CCDC28B: variants seen among roughly 807,000 people sequenced by gnomAD.
The protein encoded by CCDC28B is coiled-coil domain-containing protein 28B.
In CCDC28B, 17 loss-of-function variants were observed where a neutral mutation model predicts 18.7. The observed-to-expected ratio is 0.91, with a 90% CI of 0.62 to 1.36. The LOEUF (loss-of-function observed/expected upper bound fraction) is 1.36. Ranked by LOEUF, CCDC28B falls within the 40% of genes most tolerant of loss-of-function variation. CCDC28B has a pLI of 0.00. For missense variants in CCDC28B, 213 were observed against 251.7 expected, an observed-to-expected ratio of 0.85 and a Z score of 1.04; for synonymous variants, 116 against 105.1, an observed-to-expected ratio of 1.10 and a Z score of -0.64.
chr1:32,204,845 G>A (rs1484800379), intron 5 of CCDC28B: 1 of 1,549,700 alleles, frequency 6.5e-7, no homozygotes, highest in Non-Finnish European at 8.7e-7. Context: ...CAAAATCTTT[G>A]TGAGTACTTT....
At position 32,202,040 on chromosome 1, in the gene CCDC28B, C is replaced by T. The variant is rs780889369; in HGVS notation, c.105C>T (p.Gly35=). 6.8e-6 allele frequency: 11 copies of T among 1,613,884 alleles called. No individual in the cohort carries two copies. In the Admixed American group the frequency reaches 1.8e-4, roughly 27 times the overall value. ...TCCCTGTGCCTACCAGCCACAGCGGCTCCTTGGCCCTAGGACTTCCTCATC... is the reference window on the plus strand; with the variant it reads ...TCCCTGTGCCTACCAGCCACAGCGGTTCCTTGGCCCTAGGACTTCCTCATC... ...RRVPVPTSHS[G]SLALGLPHLP... The change falls in exon 2 of 6, where the codon GGC becomes GGT. Residue 35 remains glycine, a synonymous_variant. Transcript: ENST00000373602.
At chr1:32,204,645 A>G (rs370705229) in intron 5 of CCDC28B, 25 bp downstream of exon 5, 14 of 1,611,000 alleles carry the variant, frequency 8.7e-6, no homozygotes, top group African/African-American at 2.7e-5. Flanking sequence ...GAACCCGTCT[A>G]TGTGTGTGTG....
At chr1:32,196,419 A>C (rs1350298099), upstream of CCDC28B, 1 of 152,114 alleles carries the variant, frequency 6.6e-6, no homozygotes, top group African/African-American at 2.4e-5. Flanking sequence ...TGGGGATTCT[A>C]CTTCTTCCTG....
chr1:32,196,555 C>A (rs769860974), upstream of CCDC28B: 1 of 152,232 alleles, frequency 6.6e-6, no homozygotes, highest in Non-Finnish European at 1.5e-5. Context: ...CACTCCAGTA[C>A]ATAACTACTA....
chr1:32,203,809 T>C (rs1643217535), intron 2 of CCDC28B, 70 bp from the exon 3 acceptor site: 2 of 1,272,020 alleles, frequency 1.6e-6, no homozygotes, highest in African/African-American at 3.0e-5. Flanking sequence ...CATAGGCAGA[T>C]GGCACAAAAG....
Position 32,204,595 on chromosome 1 carries a change from C to A in CCDC28B, c.526-3C>A. ...AAGCCTCCCTTTTTCTCTTTGTTGG[C>A]AGCTGGAAGACCTCAGTAATTCTAT... On this transcript the variant is annotated splice_polypyrimidine_tract_variant and splice_region_variant and intron_variant, in intron 4 of 5. Transcript: ENST00000373602. 1 of 1,563,894 alleles carries A rather than the reference C, an allele frequency of 6.4e-7. No homozygotes were observed. The highest frequency in any genetic ancestry group is 2.0e-5 in the Admixed American group (1 of 50,848).
chr1:32,205,090 T>A lies in CCDC28B; in HGVS notation c.549-104T>A. 1 of 1,426,252 alleles carries A rather than the reference T, an allele frequency of 7.0e-7. No individual in the cohort carries two copies. The highest frequency in any genetic ancestry group is 1.3e-5 in the South Asian group (1 of 77,408). The allele number at this position is 1,426,252 out of a possible 1,614,324, so 88.3% of individuals were successfully genotyped here. Reference sequence around the variant, plus strand: ...GTCCACAGACGGCCCGAGACCCTCGTCCCCGGCCCTTTGCACAGGTGAGGG... The same window carrying A: ...GTCCACAGACGGCCCGAGACCCTCGACCCCGGCCCTTTGCACAGGTGAGGG... On this transcript the variant is annotated intron_variant, in intron 5 of 5. Transcript: ENST00000373602. The surrounding 1 kb of genome is among the most constrained non-coding windows in gnomAD (Gnocchi z 5.6).
intron 4 of CCDC28B, 74 bp downstream of exon 4, chr1:32,204,453 C>A (rs1019631181): frequency 2.6e-6 from 4 of 1,515,884 alleles, no homozygotes; most frequent in East Asian, 4.5e-5. Context: ...CAAAGCCATT[C>A]CTGGGCCCTG....
intron 5 of CCDC28B, 121 bp downstream of exon 5, chr1:32,204,741 A>G: frequency 6.2e-7 from 1 of 1,613,874 alleles, no homozygotes; most frequent in Non-Finnish European, 8.5e-7. Context: ...GTCCTGTCAG[A>G]TTTAGCCACA....
At chr1:32,204,884 C>T (rs575948000) in intron 5 of CCDC28B, 168 of 1,504,104 alleles carry the variant, frequency 1.1e-4, no homozygotes, top group Non-Finnish European at 1.4e-4. Context: ...CAAAGCTTGT[C>T]CGATGTCCTC....
Position 32,205,166 on chromosome 1 carries a change from A to G in CCDC28B, c.549-28A>G. Reference sequence around the variant, plus strand: ...CCGGGGTGGGAGGAAGGACTGGTCCAAAGCGCCACGATCCTTGACGGGCAC... The same window carrying G: ...CCGGGGTGGGAGGAAGGACTGGTCCGAAGCGCCACGATCCTTGACGGGCAC... On this transcript the variant is annotated intron_variant, in intron 5 of 5. Transcript: ENST00000373602. This position sits in a 1 kb window ranked among gnomAD's most constrained non-coding sequence, Gnocchi z 5.6. 1 of 1,613,092 alleles carries G rather than the reference A, an allele frequency of 6.2e-7. No individual in the cohort carries two copies. The highest frequency in any genetic ancestry group is 8.5e-7 in the Non-Finnish European group (1 of 1,179,496).
chr1:32,199,094 G>A (rs567335981), upstream of CCDC28B, among the ~76,000 whole-genome samples: 6 of 152,270 alleles, frequency 3.9e-5, no homozygotes, highest in African/African-American at 1.4e-4. Flanking sequence ...CTCAAGCATG[G>A]GACTCCTATA....
intron 2 of CCDC28B, among the ~76,000 whole-genome samples, chr1:32,203,418 CT>C (rs1215202262): frequency 3.9e-5 from 6 of 152,136 alleles, no homozygotes; most frequent in African/African-American, 1.4e-4. Context: ...GATCACACCA[CT>C]GCACTCCAGC....
chr1:32,199,014 C>T (rs1643087400), upstream of CCDC28B, among the ~76,000 whole-genome samples: 1 of 152,132 alleles, frequency 6.6e-6, no homozygotes, highest in Admixed American at 6.5e-5. Context: ...TTCACAGGGG[C>T]CTCTAATTGT....
At position 32,204,617 on chromosome 1, in the gene CCDC28B, C is replaced by T; in HGVS notation, c.545C>T (p.Ser182Phe). 6.3e-7 allele frequency: 1 copy of T among 1,592,012 alleles called. No individual in the cohort carries two copies. The highest frequency in any genetic ancestry group is 8.5e-7 in the Non-Finnish European group (1 of 1,170,662). The change falls in exon 5 of 6, where the codon TCT becomes TTT. Residue 182 changes from serine (S) to phenylalanine (F), a missense_variant. Physicochemically the swap from Ser to Phe is radical, Grantham distance 155 (BLOSUM62 -2). Coordinates refer to ENST00000373602, the MANE Select transcript of CCDC28B (RefSeq NM_024296.5). ...LLSNLEDLSN[S>F]IQKLHLAENA... is the part of the protein sequence containing the mutation. The stretch of plus-strand genomic sequence containing the variant: ...TGGCAGCTGGAAGACCTCAGTAATT[C>T]TATGTATCCTTTCCAAGGAACCCGT...
chr1:32,202,725 G>A (rs111915786), intron 2 of CCDC28B: 113 of 162,190 alleles, frequency 7.0e-4, no homozygotes, highest in African/African-American at 2.5e-3. Flanking sequence ...GGCCAGGCTG[G>A]CAGGGGCATT....
rs760631454 is a variant in CCDC28B, at chr1:32,204,312, C to G, written c.458C>G (p.Thr153Ser). ...EDDEEEEDGV[T>S]EGLPEEQKKT... is the part of the protein sequence containing the mutation. ...GATGAAGAGGAAGAGGATGGGGTCA[C>G]TGAGGGGCTGCCAGAGGAGCAGAAG... Residue 153 changes from threonine to serine, a missense_variant, in exon 4 of 6, where the codon ACT (threonine) becomes AGT (serine). Coordinates refer to ENST00000373602, the MANE Select transcript of CCDC28B (RefSeq NM_024296.5). 5.6e-6 allele frequency: 9 copies of G among 1,611,606 alleles called. No individual in the cohort carries two copies. In the East Asian group the frequency reaches 2.0e-4, roughly 36 times the overall value.
chr1:32,203,391 A>T (rs1454972244), intron 2 of CCDC28B, among the ~76,000 whole-genome samples: 1 of 151,994 alleles, frequency 6.6e-6, no homozygotes, highest in Non-Finnish European at 1.5e-5. Flanking sequence ...CCAGGAGGCG[A>T]GGTTGCAGTG....
chr1:32,205,145 G>A lies in CCDC28B; in HGVS notation c.549-49G>A. The A allele has an allele frequency of 6.2e-7, 1 of 1,606,948 alleles. No individual in the cohort carries two copies. The highest frequency in any genetic ancestry group is 8.5e-7 in the Non-Finnish European group (1 of 1,175,140). On this transcript the variant is annotated intron_variant, in intron 5 of 5. Coordinates refer to ENST00000373602, the MANE Select transcript of CCDC28B (RefSeq NM_024296.5). This position sits in a 1 kb window ranked among gnomAD's most constrained non-coding sequence, Gnocchi z 5.6. ...AAACCTGTGCAAGATGGGAGACCGG[G>A]GTGGGAGGAAGGACTGGTCCAAAGC...
Sources: gnomAD v4.1 joint callset for allele counts (sites outside exome capture counted in the v4.1 genomes callset) on GRCh38, gnomAD v4.1.1 for gene constraint, Gnocchi (gnomAD v3.1) non-coding constraint, MANE v1.5 for transcripts, NCBI Gene and HGNC (gene_info 2026-07-23, HGNC 2026-07-21) for gene names.